The following SFI1 variants were observed in gnomAD, a reference collection of about 807,000 sequenced individuals.
SFI1 encodes SFI1 centrin binding protein.
In SFI1, 195 loss-of-function variants were observed where a neutral mutation model predicts 207.5. The ratio of observed to expected loss-of-function variants is 0.94; its 90% CI spans 0.84 to 1.06. SFI1 has a LOEUF of 1.06. SFI1 is among the 50% of genes least tolerant of loss of function. SFI1 has a pLI of 0.00. For missense variants in SFI1, 1,634 were observed against 1,588.0 expected (o/e 1.03, Z -0.49); for synonymous variants, 630 against 598.9 (o/e 1.05, Z -0.76).
At chr22:31,531,168 A>G in intron 4 of SFI1, 39 bp downstream of exon 4, 1 of 1,523,804 alleles carries the variant, frequency 6.6e-7, no homozygotes. Flanking sequence ...TGTTGAGTTC[A>G]TTCTAGGGTT....
At chr22:31,612,426 T>TATATATATATATATATATATAAAA (rs1491348905) in intron 24 of SFI1, 2 of 99,916 alleles carry the variant, frequency 2.0e-5, no homozygotes, top group Non-Finnish European at 4.0e-5. Context: ...TATATATATA[T>TATATATATATATATATATATAAAA]AATCAGTGGG....
At position 31,522,064 on chromosome 22, in the gene SFI1, C is replaced by CTTT. The variant is rs752422385; in HGVS notation, c.93-6607_93-6605dup. Among the ~76,000 whole-genome samples the CTTT allele has an allele frequency of 9.8e-3, 744 of 76,298 alleles. 45 individuals carry two copies. The highest frequency in any genetic ancestry group is 0.014 in the Non-Finnish European group (579 of 42,056). The allele number at this position is 76,298 out of a possible 152,430, so 50.1% of individuals were successfully genotyped here. A position where few individuals can be genotyped will look rare whatever the true frequency, so the allele number is the denominator to read the frequency against. On this transcript the variant is annotated intron_variant, in intron 2 of 32. Coordinates refer to ENST00000400288, the MANE Select transcript of SFI1 (RefSeq NM_001007467.3). ...ACAAGTGTGAGCCACTACACCTGGC[C>CTTT]TTTTTTTTTTTTTTTTTTTTTGAGA... is the stretch of plus-strand genomic sequence containing the variant.
chr22:31,597,524 T>G (rs1363801662), intron 15 of SFI1, among the ~76,000 whole-genome samples: 1 of 152,212 alleles, frequency 6.6e-6, no homozygotes, highest in Non-Finnish European at 1.5e-5. Context: ...TCAGTCTGTC[T>G]CTCTGAGCCT....
At chr22:31,566,949 A>AG (rs1420008883) in intron 8 of SFI1, among the ~76,000 whole-genome samples, 2 of 152,096 alleles carry the variant, frequency 1.3e-5, no homozygotes, top group Non-Finnish European at 2.9e-5. Flanking sequence ...TCTGTCACCC[A>AG]GGCTGGAGTG....
At chr22:31,611,071 G>A (rs2070026244) in intron 22 of SFI1, 72 bp from the exon 23 acceptor site, 2 of 1,600,106 alleles carry the variant, frequency 1.2e-6, no homozygotes, top group South Asian at 1.1e-5. Context: ...TCTGCTGTCT[G>A]CACCTTCACC....
At chr22:31,592,402 G>T (rs2066123325) in intron 15 of SFI1, among the ~76,000 whole-genome samples, 1 of 78,884 alleles carries the variant, frequency 1.3e-5, no homozygotes, top group Non-Finnish European at 2.4e-5. Flanking sequence ...TGGCCGGGCA[G>T]GGGGCTGACC....
intron 15 of SFI1, 69 bp downstream of exon 15, chr22:31,589,646 C>T: frequency 6.6e-7 from 1 of 1,508,054 alleles, no homozygotes; most frequent in Non-Finnish European, 8.9e-7. Flanking sequence ...CCACACAGCC[C>T]ATTTGCTGTG....
At chr22:31,591,802 C>T (rs1302998608) in intron 15 of SFI1, among the ~76,000 whole-genome samples, 4 of 71,358 alleles carry the variant, frequency 5.6e-5, no homozygotes, top group African/African-American at 1.6e-4. Context: ...CCCTCCCGGA[C>T]GGGGCGGCTG....
intron 14 of SFI1, among the ~76,000 whole-genome samples, chr22:31,585,372 C>CTCT (rs1457268987): frequency 6.6e-6 from 1 of 152,210 alleles, no homozygotes; most frequent in East Asian, 1.9e-4. Context: ...AAGTACTGAG[C>CTCT]TCTTATCAGC....
chr22:31,522,305 G>T (rs1037422947), intron 2 of SFI1, among the ~76,000 whole-genome samples: 2 of 151,994 alleles, frequency 1.3e-5, no homozygotes, highest in African/African-American at 4.8e-5. Context: ...TGATCCACCT[G>T]CCTCAGCCTC....
intron 21 of SFI1, 77 bp downstream of exon 21, chr22:31,606,507 T>C (rs2068999241): frequency 8.3e-7 from 1 of 1,208,312 alleles, no homozygotes. Flanking sequence ...ATGTAGGGGG[T>C]GGTGCCAGAG....
At chr22:31,569,844 G>A (rs2062762909) in intron 8 of SFI1, among the ~76,000 whole-genome samples, 2 of 151,852 alleles carry the variant, frequency 1.3e-5, no homozygotes, top group South Asian at 4.2e-4. Context: ...AGCTACTCAG[G>A]AGGCTAAGTG....
chr22:31,561,377 G>C lies in SFI1; in HGVS notation c.750G>C (p.Leu250=). ...LHASALKHRA[L]SLQVQAWSQW... is the part of the protein sequence containing the mutation. ...CCTCTGCTTTGAAGCACAGGGCCCTGAGCCTCCAGGTGCAGGTGAGTCCAG... is the reference window on the plus strand; with the variant it reads ...CCTCTGCTTTGAAGCACAGGGCCCTCAGCCTCCAGGTGCAGGTGAGTCCAG... Residue 250 remains leucine, a synonymous_variant, in exon 8 of 33, where the codon CTG becomes CTC. Coordinates refer to ENST00000400288, the MANE Select transcript of SFI1 (RefSeq NM_001007467.3). 1 of 1,613,730 alleles carries C rather than the reference G, an allele frequency of 6.2e-7. No individual in the cohort carries two copies. Among genetic ancestry groups the C allele is most frequent in the African/African-American group, 1.3e-5 (1 of 75,054 alleles).
At chr22:31,499,963 C>T (rs537204234) in intron 1 of SFI1, among the ~76,000 whole-genome samples, 100 of 136,654 alleles carry the variant, frequency 7.3e-4, no homozygotes, top group African/African-American at 2.5e-3. Context: ...CCAGCCTGGG[C>T]GACAGAGTGA....
At chr22:31,608,069 A>T (rs569430717) in intron 22 of SFI1, 36 bp downstream of exon 22, 1 of 1,540,560 alleles carries the variant, frequency 6.5e-7, no homozygotes, top group South Asian at 1.1e-5. Context: ...ATGTTGAGGA[A>T]TGTGAAGACA....
At chr22:31,517,279 C>A (rs147621270) in intron 2 of SFI1, among the ~76,000 whole-genome samples, 2 of 152,008 alleles carry the variant, frequency 1.3e-5, no homozygotes, top group Non-Finnish European at 2.9e-5. Context: ...GACAGGGTCT[C>A]GCACTGTCAC....
chr22:31,553,849 T>G (rs1216293497), intron 6 of SFI1, among the ~76,000 whole-genome samples: 3 of 113,014 alleles, frequency 2.7e-5, no homozygotes, highest in Non-Finnish European at 3.7e-5. Flanking sequence ...TTTTTTTTTT[T>G]TTTTTTTTTT....
intron 22 of SFI1, among the ~76,000 whole-genome samples, chr22:31,609,166 T>C (rs887705981): frequency 1.6e-4 from 24 of 152,066 alleles, no homozygotes; most frequent in African/African-American, 3.9e-4. Context: ...GCCAGGCTAA[T>C]TTTTTGTATT....
At chr22:31,605,058 C>T (rs1038658998) in intron 20 of SFI1, 113 bp downstream of exon 20, 5 of 882,040 alleles carry the variant, frequency 5.7e-6, no homozygotes, top group African/African-American at 3.5e-5. Context: ...TCCCGGGTTC[C>T]TAGTCGCTAA....
Sources: gnomAD v4.1 joint callset for allele counts (sites outside exome capture counted in the v4.1 genomes callset) on GRCh38, gnomAD v4.1.1 for gene constraint, MANE v1.5 for transcripts, NCBI Gene and HGNC (gene_info 2026-07-23, HGNC 2026-07-21) for gene names.